The following SH3RF2 variants were observed in gnomAD, a reference collection of about 807,000 sequenced individuals.
The protein encoded by SH3RF2 is E3 ubiquitin-protein ligase SH3RF2.
SH3RF2 carries 43 observed loss-of-function variants against 59.0 expected under a neutral mutation model. The ratio of observed to expected loss-of-function variants is 0.73; its 90% CI spans 0.57 to 0.94. The LOEUF is 0.94. Among genes scored for constraint, SH3RF2 ranks in the 40% least tolerant of loss-of-function variants. The probability of loss-of-function intolerance (pLI) is 0.00; values close to 1 mark genes in which losing one functional copy is unlikely to be tolerated. For missense variants in SH3RF2, 930 were observed against 940.1 expected (o/e 0.99, Z 0.14); for synonymous variants, 391 against 391.5 (o/e 1.00, Z 0.01).
intron 2 of SH3RF2, among the ~76,000 whole-genome samples, chr5:145,998,682 G>A (rs1197501043): frequency 6.6e-6 from 1 of 152,192 alleles, no homozygotes; most frequent in Non-Finnish European, 1.5e-5. Flanking sequence ...GGAGGCCAAG[G>A]TGGGTGGATC....
At chr5:146,068,889 A>G (rs1763168019) in intron 9 of SH3RF2, among the ~76,000 whole-genome samples, 1 of 152,220 alleles carries the variant, frequency 6.6e-6, no homozygotes, top group South Asian at 2.1e-4. Context: ...CAGGATCATA[A>G]AAATAATCAT....
intron 5 of SH3RF2, among the ~76,000 whole-genome samples, chr5:146,020,589 A>C (rs925459281): frequency 6.6e-6 from 1 of 152,168 alleles, no homozygotes. Flanking sequence ...TCTCTCTTGT[A>C]TTCACAGCAC....
At chr5:146,042,218 G>A (rs1234316781) in intron 5 of SH3RF2, among the ~76,000 whole-genome samples, 1 of 152,158 alleles carries the variant, frequency 6.6e-6, no homozygotes, top group Admixed American at 6.5e-5. Flanking sequence ...AAGCAAGGTT[G>A]CTACAGACAC....
intron 9 of SH3RF2, among the ~76,000 whole-genome samples, 167 bp from the exon 10 acceptor site, chr5:146,062,259 G>A (rs935561712): frequency 2.7e-4 from 41 of 152,128 alleles, no homozygotes; most frequent in African/African-American, 9.4e-4. Context: ...ATGCTCCTCT[G>A]CATTCTCAGC....
intron 5 of SH3RF2, 68 bp downstream of exon 5, chr5:146,014,129 C>A: frequency 6.5e-7 from 1 of 1,539,530 alleles, no homozygotes. Context: ...ATGTCACAAC[C>A]AATATTTGAT....
chr5:146,047,813 C>T lies in SH3RF2; in HGVS notation c.1101C>T (p.Ser367=), dbSNP rs939030912. 11 of 1,613,984 alleles carry T rather than the reference C, an allele frequency of 6.8e-6. No homozygotes were observed. Among genetic ancestry groups the T allele is most frequent in the Non-Finnish European group, 9.3e-6 (11 of 1,180,020 alleles). ...CCGCACCTGTCTCTCCAGGACATTC[C>T]ACAGCCGTGGTCAGTCTGCCTGGCT... ...YHPAPVSPGH[S]TAVVSLPGSQ... is the part of the protein sequence containing the mutation. Residue 367 remains serine (S), a synonymous_variant, in exon 6 of 10, where the codon TCC becomes TCT. Transcript: ENST00000359120.
chr5:146,052,603 G>A (rs1042304944), intron 7 of SH3RF2, among the ~76,000 whole-genome samples: 3 of 152,118 alleles, frequency 2.0e-5, no homozygotes, highest in Non-Finnish European at 4.4e-5. Context: ...GTTCTTAGGT[G>A]GCAGAGGATC....
At chr5:146,065,119 G>A (rs10063993), downstream of SH3RF2, among the ~76,000 whole-genome samples, 1,441 of 152,230 alleles carry the variant, frequency 9.5e-3, 17 homozygotes, top group African/African-American at 0.032. Context: ...ATGACAGCAC[G>A]TTGTTCTAGC....
intron 2 of SH3RF2, among the ~76,000 whole-genome samples, chr5:145,990,552 A>G (rs1053440675): frequency 2.6e-5 from 4 of 152,196 alleles, no homozygotes; most frequent in Non-Finnish European, 5.9e-5. Flanking sequence ...GGTTCCTCAC[A>G]GAAGGGGATG....
At chr5:145,937,770 T>C in intron 1 of SH3RF2, 53 bp from the exon 2 acceptor site, 1 of 802,560 alleles carries the variant, frequency 1.2e-6, no homozygotes, top group Non-Finnish European at 2.0e-6. Context: ...AGGTGGGATA[T>C]ACCTCTCGGA....
At chr5:145,940,254 G>C (rs1046919870) in intron 2 of SH3RF2, among the ~76,000 whole-genome samples, 1 of 152,196 alleles carries the variant, frequency 6.6e-6, no homozygotes, top group Non-Finnish European at 1.5e-5. Context: ...CTCTGCAAGA[G>C]AGCAGAGCTG....
In SH3RF2 at chr5:146,000,089, G is replaced by T. The variant is rs778941558; in HGVS notation, c.410G>T (p.Arg137Ile). ...CGAGCAAAGGCCTTATGCAACTACA[G>T]AGGGCAGAATCCCGGTGACCTAAGG... ...VPRAKALCNY[R>I]GQNPGDLRFN... The change falls in exon 3 of 10, where the codon AGA (arginine) becomes ATA (isoleucine). Residue 137 changes from arginine (R) to isoleucine (I), a missense_variant. Arg to Ile is a moderately conservative substitution (Grantham distance 97). Transcript: ENST00000359120. 7 of 1,613,296 alleles carry T rather than the reference G, an allele frequency of 4.3e-6. No homozygotes were observed. The African/African-American group carries it at 6.7e-5, about 15-fold the overall frequency.
chr5:146,011,311 C>G (rs899143809), intron 4 of SH3RF2, among the ~76,000 whole-genome samples: 1 of 152,062 alleles, frequency 6.6e-6, no homozygotes, highest in African/African-American at 2.4e-5. Flanking sequence ...AGTCAGGTAG[C>G]GTGATGCCTC....
intron 4 of SH3RF2, among the ~76,000 whole-genome samples, chr5:146,006,315 G>A (rs1760642516): frequency 1.3e-5 from 2 of 152,096 alleles, no homozygotes; most frequent in African/African-American, 2.4e-5. Flanking sequence ...CAGCTACTCC[G>A]GAGGCTGAGG....
intron 5 of SH3RF2, among the ~76,000 whole-genome samples, chr5:146,022,861 A>C (rs1206689480): frequency 6.8e-6 from 1 of 146,306 alleles, no homozygotes; most frequent in African/African-American, 2.6e-5. Flanking sequence ...GACACAGAGC[A>C]AGGCTCCATC....
At chr5:146,033,451 C>CTTTTTTTTTTTTTTTTTTTTTTTTTT (rs558717056) in intron 5 of SH3RF2, among the ~76,000 whole-genome samples, 1 of 71,856 alleles carries the variant, frequency 1.4e-5, no homozygotes, top group Non-Finnish European at 2.4e-5. Flanking sequence ...TAGCCCTTAG[C>CTTTTTTTTTTTTTTTTTTTTTTTTTT]TTTTTTTTTT....
intron 3 of SH3RF2, among the ~76,000 whole-genome samples, chr5:146,001,051 C>T (rs955826633): frequency 5.3e-5 from 8 of 152,164 alleles, no homozygotes; most frequent in African/African-American, 1.7e-4. Context: ...ATAACATAAT[C>T]GTGCCTTTCT....
At chr5:146,059,342 G>T (rs901167650) in intron 8 of SH3RF2, among the ~76,000 whole-genome samples, 3 of 151,808 alleles carry the variant, frequency 2.0e-5, no homozygotes, top group African/African-American at 7.3e-5. Context: ...CATGCCTAAA[G>T]CTTCTGTCAA....
chr5:145,952,866 C>T (rs1580762702), intron 2 of SH3RF2, among the ~76,000 whole-genome samples: 1 of 152,094 alleles, frequency 6.6e-6, no homozygotes, highest in African/African-American at 2.4e-5. Flanking sequence ...TTTGAGGAAA[C>T]TCTGGGAAAC....
Sources: gnomAD v4.1 joint callset for allele counts (sites outside exome capture counted in the v4.1 genomes callset) on GRCh38, gnomAD v4.1.1 for gene constraint, MANE v1.5 for transcripts, NCBI Gene and HGNC (gene_info 2026-07-23, HGNC 2026-07-21) for gene names.